Variants in WDR70 observed in about 807,000 individuals in gnomAD.
The protein encoded by WDR70 is WD repeat domain 70.
In WDR70, 53 loss-of-function variants were observed where a neutral mutation model predicts 88.6. The observed-to-expected ratio is 0.60, with a 90% CI of 0.48 to 0.75. The LOEUF (loss-of-function observed/expected upper bound fraction) is 0.75. WDR70 is among the 30% of genes least tolerant of loss of function. WDR70 has a pLI of 0.00. For synonymous variants in WDR70, 280 were observed against 270.0 expected (o/e 1.04, Z -0.36); for missense variants, 610 against 823.2 (o/e 0.74, Z 3.17).
At chr5:37,461,518 CTG>C (rs1279081952) in intron 7 of WDR70, among the ~76,000 whole-genome samples, 2 of 151,794 alleles carry the variant, frequency 1.3e-5, no homozygotes, top group Admixed American at 1.3e-4. Context: ...GAGTCTCACT[CTG>C]TTGCCCAGGC....
Position 37,379,378 on chromosome 5 carries a change from C to G in WDR70, c.11C>G (p.Ser4Cys), listed in dbSNP as rs574131159. The G allele has an allele frequency of 6.2e-7, 1 of 1,613,612 alleles. No individual in the cohort carries two copies. The highest frequency in any genetic ancestry group is 1.3e-5 in the African/African-American group (1 of 75,042). The change falls in exon 1 of 18, where the codon TCT becomes TGT. Residue 4 changes from serine to cysteine, a missense_variant. Coordinates refer to ENST00000265107, the MANE Select transcript of WDR70 (RefSeq NM_018034.4). MER[S>C]GPSEVTGSDA... ...GGTGTGCGGCCAGCCATGGAGCGCT[C>G]TGGGCCCAGCGAAGGTGGGTTTCAT... is the stretch of plus-strand genomic sequence containing the variant.
At chr5:37,658,474 T>A (rs1323583528) in intron 10 of WDR70, among the ~76,000 whole-genome samples, 1 of 152,150 alleles carries the variant, frequency 6.6e-6, no homozygotes, top group Non-Finnish European at 1.5e-5. Flanking sequence ...GAAAATAATG[T>A]TCCCTCTGCC....
At chr5:37,577,037 C>T (rs1021187561) in intron 9 of WDR70, among the ~76,000 whole-genome samples, 1 of 152,084 alleles carries the variant, frequency 6.6e-6, no homozygotes, top group African/African-American at 2.4e-5. Flanking sequence ...ATTCATCAGA[C>T]CTTATCATCT....
chr5:37,490,815 T>G (rs1740044034), intron 8 of WDR70, among the ~76,000 whole-genome samples: 2 of 152,074 alleles, frequency 1.3e-5, no homozygotes, highest in African/African-American at 4.8e-5. Context: ...GTGTACTGGA[T>G]GCTGTGTGAT....
chr5:37,606,340 G>A (rs192484874), intron 10 of WDR70, among the ~76,000 whole-genome samples: 56 of 152,208 alleles, frequency 3.7e-4, no homozygotes, highest in Admixed American at 7.9e-4. Flanking sequence ...TAACAGCATA[G>A]AGATCTTAAA....
At chr5:37,517,827 TTTAG>T (rs1740935151) in intron 9 of WDR70, among the ~76,000 whole-genome samples, 1 of 74,252 alleles carries the variant, frequency 1.3e-5, no homozygotes, top group South Asian at 4.2e-4. Flanking sequence ...GTTAAACTCT[TTTAG>T]TTATTTTATT....
chr5:37,396,746 G>A (rs998252420), intron 5 of WDR70, among the ~76,000 whole-genome samples, 176 bp downstream of exon 5: 2 of 152,048 alleles, frequency 1.3e-5, no homozygotes, highest in East Asian at 1.9e-4. Flanking sequence ...CAGGAGAATC[G>A]CTTGAACCTG....
chr5:37,605,007 C>G, intron 9 of WDR70, 57 bp from the exon 10 acceptor site: 1 of 1,439,282 alleles, frequency 6.9e-7, no homozygotes, highest in African/African-American at 1.5e-5. Context: ...CTATTTTAAC[C>G]TCCCCCCTCC....
intron 6 of WDR70, among the ~76,000 whole-genome samples, chr5:37,439,034 C>G (rs1038721837): frequency 6.6e-6 from 1 of 151,980 alleles, no homozygotes; most frequent in African/African-American, 2.4e-5. Flanking sequence ...TCTCCTGCCT[C>G]AGCCTCCTGA....
intron 10 of WDR70, among the ~76,000 whole-genome samples, chr5:37,651,018 T>G (rs1278525113): frequency 6.6e-6 from 1 of 151,688 alleles, no homozygotes; most frequent in Non-Finnish European, 1.5e-5. Context: ...AATGTGCAGG[T>G]TTGTTACATA....
At position 37,722,841 on chromosome 5, in the gene WDR70, T is replaced by C. The variant is rs761501199; in HGVS notation, c.1518-14T>C. 1 of 1,613,062 alleles carries C rather than the reference T, an allele frequency of 6.2e-7. No homozygotes were observed. ...GACCAAGTAAAGAAAATAATTTGCTTTTACACCCGTTAGGGGAGCAAAATT... is the reference window on the plus strand; with the variant it reads ...GACCAAGTAAAGAAAATAATTTGCTCTTACACCCGTTAGGGGAGCAAAATT... On this transcript the variant is annotated splice_polypyrimidine_tract_variant and intron_variant, in intron 14 of 17. Coordinates refer to ENST00000265107, the MANE Select transcript of WDR70 (RefSeq NM_018034.4).
Position 37,563,609 on chromosome 5 carries a change from AC to A in WDR70, c.918-41447del, listed in dbSNP as rs540581148. Among the ~76,000 whole-genome samples the A allele has an allele frequency of 7.4e-3, 12 of 1,632 alleles. 1 individual carries two copies. Among genetic ancestry groups the A allele is most frequent in the African/African-American group, 0.018 (4 of 228 alleles). The allele number at this position is 1,632 out of a possible 152,430, so 1.1% of individuals were successfully genotyped here. A position where few individuals can be genotyped will look rare whatever the true frequency, so the allele number is the denominator to read the frequency against. ...GGGCGGCTGGCCGGGCGGGGGGATG[AC>A]CCCCCCCACCTCCCCCCGGATGGGG... On this transcript the variant is annotated intron_variant, in intron 9 of 17. Transcript: ENST00000265107.
intron 5 of WDR70, among the ~76,000 whole-genome samples, chr5:37,399,044 C>T (rs1182144606): frequency 6.6e-6 from 1 of 152,138 alleles, no homozygotes; most frequent in East Asian, 1.9e-4. Context: ...TTTGGGAGGC[C>T]GAGATGGGCG....
At chr5:37,700,701 G>A (rs1028096642) in intron 11 of WDR70, among the ~76,000 whole-genome samples, 4 of 152,076 alleles carry the variant, frequency 2.6e-5, no homozygotes, top group African/African-American at 9.7e-5. Flanking sequence ...AATACACCAC[G>A]GGGGAACTAC....
intron 13 of WDR70, among the ~76,000 whole-genome samples, chr5:37,718,219 G>C (rs890602956): frequency 2.6e-5 from 4 of 152,146 alleles, no homozygotes; most frequent in African/African-American, 7.2e-5. Context: ...GGTGTCCTTG[G>C]ACTCCCTGGA....
intron 17 of WDR70, among the ~76,000 whole-genome samples, chr5:37,739,054 AT>A (rs1748388605): frequency 2.0e-5 from 3 of 152,214 alleles, no homozygotes; most frequent in Admixed American, 1.3e-4. Flanking sequence ...ACAAGTTGAC[AT>A]TTATAATCAA....
intron 5 of WDR70, among the ~76,000 whole-genome samples, chr5:37,436,082 T>C (rs1338784850): frequency 6.6e-6 from 1 of 152,044 alleles, no homozygotes; most frequent in Non-Finnish European, 1.5e-5. Context: ...TTTAACCCAG[T>C]GTTTGAAATG....
At chr5:37,741,260 T>A (rs1275239396) in intron 17 of WDR70, among the ~76,000 whole-genome samples, 1 of 147,666 alleles carries the variant, frequency 6.8e-6, no homozygotes, top group Non-Finnish European at 1.5e-5. Context: ...TTTTTTTAAT[T>A]TAAAAAGGTC....
chr5:37,710,670 A>T (rs753567742), intron 13 of WDR70, among the ~76,000 whole-genome samples: 6 of 152,230 alleles, frequency 3.9e-5, no homozygotes, highest in African/African-American at 1.4e-4. Flanking sequence ...CCAAATTTTA[A>T]AATAAAAATG....
Sources: gnomAD v4.1 joint callset for allele counts (sites outside exome capture counted in the v4.1 genomes callset) on GRCh38, gnomAD v4.1.1 for gene constraint, MANE v1.5 for transcripts, NCBI Gene and HGNC (gene_info 2026-07-23, HGNC 2026-07-21) for gene names.